The following ADGRV1 variants were observed in gnomAD, a reference collection of about 807,000 sequenced individuals.
The protein encoded by ADGRV1 is G-protein coupled receptor 98.
Under a neutral mutation model 596.2 loss-of-function variants are expected in ADGRV1, and 359 were observed. The ratio of observed to expected loss-of-function variants is 0.60; its 90% confidence interval spans 0.55 to 0.66. The LOEUF (loss-of-function observed/expected upper bound fraction) is 0.66, where lower values mean the gene tolerates loss of function less well. Among genes scored for constraint, ADGRV1 ranks in the 30% least tolerant of loss-of-function variants. The pLI, the probability that ADGRV1 is intolerant of heterozygous loss-of-function variation, is 0.00. For missense variants in ADGRV1, 7,274 were observed against 7,575.6 expected, an observed-to-expected ratio of 0.96 and a Z score of 1.48; for synonymous variants, 2,681 against 2,679.2, an observed-to-expected ratio of 1.00 and a Z score of -0.02.
At position 90,955,366 on chromosome 5, in the gene ADGRV1, A is replaced by G. The variant is rs555867015; in HGVS notation, c.17857-10049A>G. Among the ~76,000 whole-genome samples the G allele has an allele frequency of 3.9e-5, 6 of 152,252 alleles. No individual in the cohort carries two copies. The South Asian group carries it at 1.2e-3, about 32-fold the overall frequency. ...CCAATTTTGTATTCCAAAGACCTGT[A>G]TATTTTATTGTCTATACTTCTGGCC... On this transcript the variant is annotated intron_variant, in intron 83 of 89. Transcript: ENST00000405460.
At chr5:90,930,220 T>C (rs1283736892) in intron 83 of ADGRV1, among the ~76,000 whole-genome samples, 1 of 152,210 alleles carries the variant, frequency 6.6e-6, no homozygotes, top group Non-Finnish European at 1.5e-5. Context: ...GAGTCAGATG[T>C]TCTACTTTCT....
chr5:90,801,323 G>A (rs1761350457), intron 70 of ADGRV1, among the ~76,000 whole-genome samples: 1 of 152,084 alleles, frequency 6.6e-6, no homozygotes, highest in Non-Finnish European at 1.5e-5. Context: ...ACAAATCTGT[G>A]TGTACCGGAT....
At position 90,750,433 on chromosome 5, in the gene ADGRV1, C is replaced by T. The variant is rs1430973567; in HGVS notation, c.10975-118C>T. The T allele has an allele frequency of 4.4e-6, 3 of 680,986 alleles. No individual in the cohort carries two copies. In the African/African-American group the frequency reaches 5.4e-5, roughly 12 times the overall value. 42.2% of individuals were successfully genotyped at this position (680,986 alleles called of 1,614,324 possible). A position where few individuals can be genotyped will look rare whatever the true frequency, so the allele number is the denominator to read the frequency against. On this transcript the variant is annotated intron_variant, in intron 52 of 89. Transcript: ENST00000405460. ...GTTTTTTAATTGTCGTTTTCACTTA[C>T]TATGTCATGTTGCTTAGGACCACAA...
At chr5:91,162,526 C>T (rs1244511633) in intron 89 of ADGRV1, among the ~76,000 whole-genome samples, 1 of 152,050 alleles carries the variant, frequency 6.6e-6, no homozygotes, top group Non-Finnish European at 1.5e-5. Context: ...GGCCTTGAGA[C>T]AGGGCAGAAA....
chr5:90,831,700 T>A (rs1352584471), intron 77 of ADGRV1, among the ~76,000 whole-genome samples: 1 of 152,106 alleles, frequency 6.6e-6, no homozygotes, highest in Non-Finnish European at 1.5e-5. Flanking sequence ...CCATTCTAAC[T>A]TCCCTCAACC....
chr5:90,983,009 AT>A (rs1780206441), intron 84 of ADGRV1, among the ~76,000 whole-genome samples: 1 of 152,208 alleles, frequency 6.6e-6, no homozygotes, highest in Non-Finnish European at 1.5e-5. Context: ...AAATAATTAA[AT>A]GTTGTTCCAT....
At chr5:91,013,986 G>C (rs770421077) in intron 85 of ADGRV1, among the ~76,000 whole-genome samples, 2 of 151,596 alleles carry the variant, frequency 1.3e-5, no homozygotes, top group East Asian at 3.9e-4. Context: ...GGTATGTTTT[G>C]GTCAGCTTAG....
chr5:91,005,791 A>T (rs367752509), intron 85 of ADGRV1, among the ~76,000 whole-genome samples: 36 of 152,214 alleles, frequency 2.4e-4, no homozygotes, highest in Middle Eastern at 6.8e-3. Flanking sequence ...AATCCTCATG[A>T]TCTTGAGCAA....
At chr5:90,950,026 T>C (rs1207355961) in intron 83 of ADGRV1, among the ~76,000 whole-genome samples, 1 of 152,186 alleles carries the variant, frequency 6.6e-6, no homozygotes, top group African/African-American at 2.4e-5. Context: ...ATCTTAACAA[T>C]TGAATGTTTC....
chr5:90,647,849 C>G, intron 17 of ADGRV1, 85 bp downstream of exon 17: 1 of 1,138,350 alleles, frequency 8.8e-7, no homozygotes, highest in Non-Finnish European at 1.3e-6. Context: ...ATAATGAGGA[C>G]AAGTAGGGCC....
intron 72 of ADGRV1, among the ~76,000 whole-genome samples, chr5:90,806,663 A>T (rs1005048471): frequency 5.3e-5 from 8 of 152,156 alleles, no homozygotes; most frequent in Admixed American, 4.6e-4. Flanking sequence ...ATATCACATT[A>T]GTCTTCAAAC....
chr5:90,576,128 T>C (rs1003840915), intron 1 of ADGRV1, among the ~76,000 whole-genome samples: 2 of 152,124 alleles, frequency 1.3e-5, no homozygotes, highest in Non-Finnish European at 2.9e-5. Flanking sequence ...ATTATTATTA[T>C]TATACTTTAA....
At chr5:90,594,345 C>G (rs988457788) in intron 1 of ADGRV1, among the ~76,000 whole-genome samples, 1 of 152,136 alleles carries the variant, frequency 6.6e-6, no homozygotes, top group Admixed American at 6.5e-5. Context: ...CTTCCCCCTT[C>G]GCTCAGCACT....
intron 85 of ADGRV1, among the ~76,000 whole-genome samples, chr5:91,022,564 G>T (rs1783729248): frequency 6.6e-6 from 1 of 152,050 alleles, no homozygotes; most frequent in Non-Finnish European, 1.5e-5. Flanking sequence ...AATTTTCTAA[G>T]TTCTAGATAC....
At chr5:91,022,168 G>A (rs1027115594) in intron 85 of ADGRV1, among the ~76,000 whole-genome samples, 1 of 152,178 alleles carries the variant, frequency 6.6e-6, no homozygotes, top group African/African-American at 2.4e-5. Context: ...AGTTAAAATA[G>A]CATAATCATT....
rs912916569 is a variant in ADGRV1, at chr5:91,155,002, C to T, written c.18802+1604C>T. ...CAAGATGAGATTTTGGGTGGGGACA[C>T]AGCCAAATCATATCACTATGGAAAG... On this transcript the variant is annotated intron_variant, in intron 89 of 89. Coordinates refer to ENST00000405460, the MANE Select transcript of ADGRV1 (RefSeq NM_032119.4). Among the ~76,000 whole-genome samples the T allele has an allele frequency of 5.3e-5, 8 of 152,128 alleles. No homozygotes were observed. The South Asian group carries it at 1.0e-3, about 20-fold the overall frequency.
At position 90,629,169 on chromosome 5, in the gene ADGRV1, G is replaced by A. The variant is rs115377173; in HGVS notation, c.1510-41G>A. ...AATACAGAGTTTGATCATCTCAGAT[G>A]CGAGAATTCTGTACTTTAATATTTT... On this transcript the variant is annotated intron_variant, in intron 8 of 89. Transcript: ENST00000405460. 2.4e-3 allele frequency: 2,710 copies of A among 1,144,770 alleles called. 48 individuals carry two copies. In the African/African-American group the frequency reaches 0.038, roughly 16 times the overall value. 70.9% of individuals were successfully genotyped at this position (1,144,770 alleles called of 1,614,324 possible). A position where few individuals can be genotyped will look rare whatever the true frequency, so the allele number is the denominator to read the frequency against.
At chr5:90,765,893 A>G (rs1209558041) in intron 59 of ADGRV1, among the ~76,000 whole-genome samples, 2 of 150,438 alleles carry the variant, frequency 1.3e-5, no homozygotes, top group Non-Finnish European at 3.0e-5. Flanking sequence ...TTTTTTAAAA[A>G]TTTATTTTAT....
In ADGRV1 at chr5:90,683,994, C is replaced by T; in HGVS notation, c.6073C>T (p.Pro2025Ser). The change falls in exon 28 of 90, where the codon CCT becomes TCT. Residue 2025 changes from proline to serine, a missense_variant. Physicochemically the swap from Pro to Ser is moderately conservative, Grantham distance 74. Coordinates refer to ENST00000405460, the MANE Select transcript of ADGRV1 (RefSeq NM_032119.4). ...AACACTAGATGATATGGAAAAACCA[C>T]CTTATTTTCCACCTAATTTAGCGAG... ...YATLDDMEKPPYFPPNLARAT... is the reference protein window; with the variant it reads ...YATLDDMEKPSYFPPNLARAT... The T allele has an allele frequency of 6.2e-7, 1 of 1,613,896 alleles. No homozygotes were observed. The highest frequency in any genetic ancestry group is 8.5e-7 in the Non-Finnish European group (1 of 1,179,852).
Sources: gnomAD v4.1 joint callset for allele counts (sites outside exome capture counted in the v4.1 genomes callset) on GRCh38, gnomAD v4.1.1 for gene constraint, MANE v1.5 for transcripts, NCBI Gene and HGNC (gene_info 2026-07-23, HGNC 2026-07-21) for gene names.